APP: variants seen among roughly 807,000 people sequenced by gnomAD.
The protein encoded by APP is amyloid beta precursor protein, also known as amyloid-beta precursor protein.
A neutral mutation model predicts 101.4 loss-of-function variants in APP; 31 were observed. That is an observed-to-expected ratio of 0.31 (90% CI 0.23 to 0.41). APP has a LOEUF of 0.41. Ranked by LOEUF, APP falls within the 10% of genes least tolerant of loss-of-function variation. The pLI is 1.00. For synonymous variants in APP, 366 were observed against 364.4 expected, an observed-to-expected ratio of 1.00 and a Z score of -0.05; for missense variants, 839 against 1,003.7, an observed-to-expected ratio of 0.84 and a Z score of 2.22.
intron 1 of APP, among the ~76,000 whole-genome samples, chr21:26,168,420 C>T (rs1324358212): frequency 1.4e-4 from 22 of 152,176 alleles, no homozygotes; most frequent in Non-Finnish European, 4.4e-5. Flanking sequence ...CGCAAAATGG[C>T]ATAATGTGAA....
At chr21:25,913,043 T>G (rs751784773) in intron 13 of APP, among the ~76,000 whole-genome samples, 3 of 152,226 alleles carry the variant, frequency 2.0e-5, no homozygotes, top group Non-Finnish European at 2.9e-5. Flanking sequence ...GTAGTATATA[T>G]TTCAGACACA....
At chr21:26,146,298 T>C (rs550780740) in intron 1 of APP, among the ~76,000 whole-genome samples, 1 of 152,354 alleles carries the variant, frequency 6.6e-6, no homozygotes, top group South Asian at 2.1e-4. Context: ...ACTGTGCCAC[T>C]GTACTCCAAG....
chr21:26,156,103 A>G (rs991342974), intron 1 of APP, among the ~76,000 whole-genome samples: 3 of 151,252 alleles, frequency 2.0e-5, no homozygotes, highest in African/African-American at 7.3e-5. Flanking sequence ...ATGTGCCTTT[A>G]TGCAGGCACT....
Position 26,017,653 on chromosome 21 carries a change from A to G in APP, c.865+4187T>C, listed in dbSNP as rs564427422. Among the ~76,000 whole-genome samples the G allele has an allele frequency of 3.3e-5, 5 of 152,148 alleles. No homozygotes were observed. In the East Asian group the frequency reaches 9.7e-4, roughly 29 times the overall value. ...GTCCAGTTCCTCTGGACAGGGCACA[A>G]TTGGCTAGATTAAATAAAAGATTAT... On this transcript the variant is annotated intron_variant, in intron 6 of 17. Transcript: ENST00000346798.
Position 25,945,615 on chromosome 21 carries a change from GAATT to G in APP, c.1687+8971_1687+8974del, listed in dbSNP as rs761187752. On this transcript the variant is annotated intron_variant, in intron 13 of 17. Coordinates refer to ENST00000346798, the MANE Select transcript of APP (RefSeq NM_000484.4). ...CACACAGATCAAAGAAAAGAACTAAGAATTAAGAAATAAACCCATATTATCTATG... is the reference window on the plus strand; with the variant it reads ...CACACAGATCAAAGAAAAGAACTAAGAAGAAATAAACCCATATTATCTATG... 9.3e-4 allele frequency: 217 copies of G among 233,410 alleles called. 2 individuals are homozygous for G. Among genetic ancestry groups the G allele is most frequent in the Admixed American group, 1.3e-3 (25 of 18,650 alleles). The allele number at this position is 233,410 out of a possible 1,614,324, so 14.5% of individuals were successfully genotyped here.
chr21:26,170,806 C>A (rs886056999), upstream of APP: 4 of 589,058 alleles, frequency 6.8e-6, no homozygotes, highest in South Asian at 2.6e-5. Flanking sequence ...CAGAGCCAGG[C>A]GAGTCAGCTG....
chr21:25,919,624 TC>T, intron 13 of APP, among the ~76,000 whole-genome samples: 1 of 39,862 alleles, frequency 2.5e-5, no homozygotes, highest in Non-Finnish European at 4.3e-5. Flanking sequence ...AGAAAGGGTA[TC>T]AGCAATGGAA....
At chr21:26,161,914 A>AT (rs141093900) in intron 1 of APP, among the ~76,000 whole-genome samples, 3,250 of 150,538 alleles carry the variant, frequency 0.022, 104 homozygotes, top group African/African-American at 0.073. Flanking sequence ...GTAGATGAGG[A>AT]TTTTTTTTTT....
chr21:25,999,299 A>G (rs1215848491), intron 7 of APP, among the ~76,000 whole-genome samples: 1 of 152,198 alleles, frequency 6.6e-6, no homozygotes. Context: ...CTTTAAAAAA[A>G]CAAAAAAAAT....
chr21:26,034,827 T>G (rs2045025204), intron 5 of APP, among the ~76,000 whole-genome samples: 1 of 151,834 alleles, frequency 6.6e-6, no homozygotes, highest in South Asian at 2.1e-4. Flanking sequence ...GATCCGAGGC[T>G]CCAAAAGGGA....
chr21:26,089,781 A>C, intron 3 of APP, 162 bp downstream of exon 3: 2 of 961,620 alleles, frequency 2.1e-6, no homozygotes, highest in Non-Finnish European at 3.1e-6. Flanking sequence ...CTATAGGGTC[A>C]GTGCACAGAA....
chr21:25,997,993 CTGGTCACTCCCAG>C, intron 7 of APP, among the ~76,000 whole-genome samples: 1 of 152,188 alleles, frequency 6.6e-6, no homozygotes, highest in Non-Finnish European at 1.5e-5. Flanking sequence ...CAGGTGCCCA[CTGGTCACTCCCAG>C]CCCAAACTGA....
At chr21:25,910,123 C>CTTTA (rs796183683) in intron 14 of APP, among the ~76,000 whole-genome samples, 1 of 151,612 alleles carries the variant, frequency 6.6e-6, no homozygotes, top group Non-Finnish European at 1.5e-5. Flanking sequence ...ATATTTTTTA[C>CTTTA]TTTATTTATT....
In APP at chr21:26,092,893, A is replaced by G. The variant is rs1040759923; in HGVS notation, c.226-2821T>C. 2.6e-4 allele frequency among the ~76,000 whole-genome samples: 40 copies of G among 152,132 alleles called. 1 individual carries two copies. The highest frequency in any genetic ancestry group is 2.5e-3 in the Admixed American group (38 of 15,278). On this transcript the variant is annotated intron_variant, in intron 2 of 17. Coordinates refer to ENST00000346798, the MANE Select transcript of APP (RefSeq NM_000484.4). ...AAAATTTAAAAATAAGGTATCAATC[A>G]GTGTAGCAGCAGGGGATAAACTCAG... is the stretch of plus-strand genomic sequence containing the variant.
At chr21:26,010,397 G>T (rs1194243659) in intron 6 of APP, among the ~76,000 whole-genome samples, 1 of 152,070 alleles carries the variant, frequency 6.6e-6, no homozygotes, top group Non-Finnish European at 1.5e-5. Context: ...TACTAAATGT[G>T]TATTTATCAT....
Position 26,170,648 on chromosome 21 carries a change from G to A in APP, c.-28C>T. The A allele has an allele frequency of 6.5e-7, 1 of 1,528,362 alleles. No individual in the cohort carries two copies. The allele number at this position is 1,528,362 out of a possible 1,614,324, so 94.7% of individuals were successfully genotyped here. ...CGACCCTGCGCGGGGCACCGAGTGC[G>A]CTGCTGTGCGAGTGGGATCCGCCGC... On this transcript the variant is annotated 5_prime_UTR_variant, in exon 1 of 18. Coordinates refer to ENST00000346798, the MANE Select transcript of APP (RefSeq NM_000484.4).
At chr21:26,135,306 A>G (rs1395846459) in intron 1 of APP, among the ~76,000 whole-genome samples, 2 of 152,192 alleles carry the variant, frequency 1.3e-5, no homozygotes, top group African/African-American at 4.8e-5. Context: ...AACCACTCAG[A>G]AAGGGTATGG....
chr21:26,016,980 T>C (rs2044110594), intron 6 of APP, among the ~76,000 whole-genome samples: 1 of 145,182 alleles, frequency 6.9e-6, no homozygotes, highest in Admixed American at 6.8e-5. Context: ...GGGCAGATCA[T>C]GAGGTCAGGA....
intron 9 of APP, among the ~76,000 whole-genome samples, chr21:25,979,486 T>C (rs534096610): frequency 1.4e-4 from 21 of 152,290 alleles, no homozygotes; most frequent in Non-Finnish European, 7.4e-5. Flanking sequence ...TCCCTAGATT[T>C]CAGCACCACA....
Sources: allele counts gnomAD v4.1 joint callset (sites outside exome capture counted in the v4.1 genomes callset), GRCh38; gene constraint gnomAD v4.1.1; transcripts MANE v1.5; gene names NCBI Gene and HGNC (gene_info 2026-07-23, HGNC 2026-07-21).